LTBP1: variants seen among roughly 807,000 people sequenced by gnomAD.
LTBP1 encodes latent-transforming growth factor beta-binding protein 1.
Under a neutral mutation model 207.6 loss-of-function variants are expected in LTBP1, and 129 were observed. The ratio of observed to expected loss-of-function variants is 0.62; its 90% CI spans 0.54 to 0.72. The LOEUF (loss-of-function observed/expected upper bound fraction) is 0.72. Ranked by LOEUF, LTBP1 falls within the 30% of genes least tolerant of loss-of-function variation. The pLI is 0.00. For missense variants in LTBP1, 2,281 were observed against 2,217.2 expected (o/e 1.03, Z -0.58); for synonymous variants, 963 against 833.7 (o/e 1.16, Z -2.67).
intron 3 of LTBP1, among the ~76,000 whole-genome samples, chr2:33,023,440 A>G (rs531107008): frequency 6.6e-6 from 1 of 152,244 alleles, no homozygotes; most frequent in Non-Finnish European, 1.5e-5. Context: ...GTCAAAGAGG[A>G]GGCTAAGGTT....
intron 3 of LTBP1, among the ~76,000 whole-genome samples, chr2:33,033,991 C>T (rs1323623731): frequency 6.6e-6 from 1 of 152,210 alleles, no homozygotes; most frequent in East Asian, 1.9e-4. Context: ...CTAACCCCCT[C>T]CCCGGCTCCC....
intron 13 of LTBP1, among the ~76,000 whole-genome samples, chr2:33,262,198 A>C (rs2093032513): frequency 6.6e-6 from 1 of 152,224 alleles, no homozygotes. Context: ...TGGAGTTGTA[A>C]AGTTATCAGA....
intron 3 of LTBP1, among the ~76,000 whole-genome samples, chr2:33,039,140 T>G (rs1023231119): frequency 6.6e-6 from 1 of 152,232 alleles, no homozygotes; most frequent in Non-Finnish European, 1.5e-5. Flanking sequence ...AAATTGGCCT[T>G]TGTGTGTTAT....
intron 9 of LTBP1, among the ~76,000 whole-genome samples, chr2:33,240,126 C>A (rs367909095): frequency 6.6e-6 from 1 of 151,862 alleles, no homozygotes; most frequent in South Asian, 2.1e-4. Context: ...GTTGTTAAGT[C>A]TGAATAGAAT....
intron 3 of LTBP1, among the ~76,000 whole-genome samples, chr2:33,041,347 T>C (rs958150580): frequency 6.6e-6 from 1 of 152,150 alleles, no homozygotes; most frequent in Non-Finnish European, 1.5e-5. Context: ...TGCAGTGGCA[T>C]GATCTCGGCT....
At chr2:33,010,483 A>G (rs1687524195) in intron 2 of LTBP1, among the ~76,000 whole-genome samples, 1 of 152,154 alleles carries the variant, frequency 6.6e-6, no homozygotes, top group Non-Finnish European at 1.5e-5. Flanking sequence ...GTTAACAACA[A>G]TGTGTTGTAT....
chr2:33,212,103 A>G (rs2090354027), intron 7 of LTBP1, among the ~76,000 whole-genome samples: 2 of 152,234 alleles, frequency 1.3e-5, no homozygotes, highest in Non-Finnish European at 2.9e-5. Context: ...AAATGTAGTA[A>G]CATGGATATT....
rs1480772559 is a variant in LTBP1, at chr2:33,134,367, T to TGAG, written c.1034-423_1034-421dup. On this transcript the variant is annotated intron_variant, in intron 4 of 33. Coordinates refer to ENST00000404816, the MANE Select transcript of LTBP1 (RefSeq NM_206943.4). This position sits in a 1 kb window ranked among gnomAD's most constrained non-coding sequence, Gnocchi z 4.4. ...GGAGAAACAGGGAAAGTATGCAAGTTGAGGACACAAGAGTTTATTCACCGC... is the reference window on the plus strand; with the variant it reads ...GGAGAAACAGGGAAAGTATGCAAGTTGAGGAGGACACAAGAGTTTATTCACCGC... 1 of 473,148 alleles carries TGAG rather than the reference T, an allele frequency of 2.1e-6. No individual in the cohort carries two copies. Among genetic ancestry groups the TGAG allele is most frequent in the South Asian group, 1.6e-5 (1 of 63,752 alleles). 29.3% of individuals were successfully genotyped at this position (473,148 alleles called of 1,614,324 possible).
intron 5 of LTBP1, among the ~76,000 whole-genome samples, chr2:33,141,856 T>C (rs2082666534): frequency 1.3e-5 from 2 of 152,190 alleles, no homozygotes; most frequent in South Asian, 4.1e-4. Context: ...TTCATCGACC[T>C]GCTTTGTATC....
At chr2:33,122,865 C>A (rs219057) in intron 4 of LTBP1, among the ~76,000 whole-genome samples, 2,617 of 152,278 alleles carry the variant, frequency 0.017, 34 homozygotes, top group South Asian at 0.036. Flanking sequence ...TTGCTGTACA[C>A]AACCGCAGTT....
At chr2:33,321,802 TTAG>T (rs1343571619) in intron 24 of LTBP1, among the ~76,000 whole-genome samples, 1 of 152,194 alleles carries the variant, frequency 6.6e-6, no homozygotes, top group Non-Finnish European at 1.5e-5. Context: ...TTAGTATTTC[TTAG>T]TAGAGAGAAT....
At chr2:33,214,337 C>G (rs752522285) in intron 7 of LTBP1, among the ~76,000 whole-genome samples, 1 of 152,182 alleles carries the variant, frequency 6.6e-6, no homozygotes, top group Non-Finnish European at 1.5e-5. Context: ...TGATTAAGCT[C>G]AAGGAGTATG....
chr2:33,015,868 C>T (rs1401559235), intron 2 of LTBP1, among the ~76,000 whole-genome samples: 1 of 152,076 alleles, frequency 6.6e-6, no homozygotes, highest in Non-Finnish European at 1.5e-5. Flanking sequence ...GGGGAGGTGC[C>T]ACACACTTTT....
chr2:33,114,446 C>G (rs924272510), intron 4 of LTBP1, among the ~76,000 whole-genome samples: 1 of 152,148 alleles, frequency 6.6e-6, no homozygotes, highest in Admixed American at 6.5e-5. Context: ...CTCACAGTCT[C>G]TCAATCCACT....
At chr2:33,217,529 T>G (rs1558831557) in intron 7 of LTBP1, 23 bp from the exon 8 acceptor site, 5 of 1,575,868 alleles carry the variant, frequency 3.2e-6, no homozygotes, top group Non-Finnish European at 3.5e-6. Flanking sequence ...TTAACCTTCA[T>G]ATTTCACACC....
chr2:33,117,010 G>C (rs995419768), intron 4 of LTBP1, among the ~76,000 whole-genome samples: 1 of 152,160 alleles, frequency 6.6e-6, no homozygotes, highest in Admixed American at 6.5e-5. Flanking sequence ...CTCAGTCTTT[G>C]CAACAGGCTG....
intron 3 of LTBP1, among the ~76,000 whole-genome samples, chr2:33,087,637 A>G (rs908018081): frequency 6.6e-6 from 1 of 152,196 alleles, no homozygotes; most frequent in Non-Finnish European, 1.5e-5. Context: ...CCCAGCTTCA[A>G]TCATGGAAGA....
chr2:33,242,746 C>T (rs1048419522), intron 9 of LTBP1, among the ~76,000 whole-genome samples: 1 of 151,686 alleles, frequency 6.6e-6, no homozygotes, highest in Non-Finnish European at 1.5e-5. Flanking sequence ...TCACTGTCAC[C>T]AGCCTGGCTG....
At position 33,346,764 on chromosome 2, in the gene LTBP1, A is replaced by G. The variant is rs150033875; in HGVS notation, c.3857-603A>G. On this transcript the variant is annotated intron_variant, in intron 25 of 33. Coordinates refer to ENST00000404816, the MANE Select transcript of LTBP1 (RefSeq NM_206943.4). ...TTGAAAAGTCAGGAATGATAAAACTAGATGGTCAGTGGGCACATACTAGTT... is the reference window on the plus strand; with the variant it reads ...TTGAAAAGTCAGGAATGATAAAACTGGATGGTCAGTGGGCACATACTAGTT... 4.1e-3 allele frequency among the ~76,000 whole-genome samples: 623 copies of G among 152,260 alleles called. 1 individual carries two copies. The highest frequency in any genetic ancestry group is 0.014 in the African/African-American group (588 of 41,550).
Sources: allele counts gnomAD v4.1 joint callset (sites outside exome capture counted in the v4.1 genomes callset), GRCh38; gene constraint gnomAD v4.1.1; non-coding constraint Gnocchi (gnomAD v3.1); transcripts MANE v1.5; gene names NCBI Gene and HGNC (gene_info 2026-07-23, HGNC 2026-07-21).